Variants in CIT observed in about 807,000 individuals in gnomAD.
CIT encodes citron rho-interacting serine/threonine kinase, also known as citron Rho-interacting kinase.
In CIT, 79 loss-of-function variants were observed where a neutral mutation model predicts 272.7. The ratio of observed to expected loss-of-function variants is 0.29; its 90% CI spans 0.24 to 0.35. The LOEUF (loss-of-function observed/expected upper bound fraction) is 0.35. Among genes scored for constraint, CIT ranks in the 10% least tolerant of loss-of-function variants. The probability of loss-of-function intolerance (pLI) is 1.00; values close to 1 mark genes in which losing one functional copy is unlikely to be tolerated. For missense variants in CIT, 1,909 were observed against 2,618.3 expected (o/e 0.73, Z 5.91); for synonymous variants, 948 against 995.6 (o/e 0.95, Z 0.90).
At chr12:119,717,404 T>TTTTTC (rs199891461) in intron 32 of CIT, among the ~76,000 whole-genome samples, 15 of 126,632 alleles carry the variant, frequency 1.2e-4, no homozygotes, top group Non-Finnish European at 2.1e-4. Context: ...TTCATATTCT[T>TTTTTC]TTTTCTTTTC....
intron 10 of CIT, among the ~76,000 whole-genome samples, chr12:119,792,165 A>T (rs1965364438): frequency 6.6e-6 from 1 of 152,216 alleles, no homozygotes; most frequent in Non-Finnish European, 1.5e-5. Context: ...TTAAGCATCA[A>T]GCCATCCATT....
intron 5 of CIT, among the ~76,000 whole-genome samples, chr12:119,844,895 C>A (rs1440900218): frequency 2.6e-5 from 4 of 151,898 alleles, no homozygotes; most frequent in Admixed American, 6.6e-5. Context: ...CTGAAGCAGG[C>A]GGATCATGAG....
intron 26 of CIT, 103 bp downstream of exon 26, chr12:119,734,060 AC>A: frequency 7.8e-7 from 1 of 1,279,546 alleles, no homozygotes; most frequent in Admixed American, 2.2e-5. Flanking sequence ...GACCCAGGAA[AC>A]TTCTCAGTCT....
chr12:119,688,979 A>G (rs1018509587), intron 47 of CIT, among the ~76,000 whole-genome samples: 1 of 128,184 alleles, frequency 7.8e-6, no homozygotes, highest in Non-Finnish European at 1.6e-5. Flanking sequence ...TGGGCAACAT[A>G]GCGACATTAT....
chr12:119,718,109 G>C lies in CIT; in HGVS notation c.4168+136C>G, dbSNP rs1482278470. ...CCCACCTCGGCCTCCCAAAGTGCTG[G>C]GGTTACAGGTGTGAGCCACCGTGCC... On this transcript the variant is annotated intron_variant, in intron 32 of 47. Coordinates refer to ENST00000392521, the MANE Select transcript of CIT (RefSeq NM_001206999.2). This position sits in a 1 kb window ranked among gnomAD's most constrained non-coding sequence, Gnocchi z 4.8. 8.0e-6 allele frequency: 8 copies of C among 995,106 alleles called. No individual in the cohort carries two copies. Among genetic ancestry groups the C allele is most frequent in the African/African-American group, 3.3e-5 (2 of 60,708 alleles). 61.6% of individuals were successfully genotyped at this position (995,106 alleles called of 1,614,324 possible).
chr12:119,859,151 T>G (rs767130941), intron 3 of CIT, among the ~76,000 whole-genome samples: 1 of 152,144 alleles, frequency 6.6e-6, no homozygotes, highest in Non-Finnish European at 1.5e-5. Context: ...ACCCAAAAAT[T>G]TAATCCTGCA....
chr12:119,825,537 A>AT (rs931493964), intron 7 of CIT, among the ~76,000 whole-genome samples, 169 bp from the exon 8 acceptor site: 3 of 97,344 alleles, frequency 3.1e-5, no homozygotes, highest in African/African-American at 1.0e-4. Context: ...CGCTTTACTA[A>AT]TTTAAAAAAA....
intron 3 of CIT, among the ~76,000 whole-genome samples, chr12:119,861,715 A>G (rs1250248956): frequency 6.6e-6 from 1 of 152,214 alleles, no homozygotes; most frequent in Non-Finnish European, 1.5e-5. Context: ...GAACACAGTA[A>G]TCCAAACTTT....
At position 119,690,515 on chromosome 12, in the gene CIT, T is replaced by C. The variant is rs1955881848; in HGVS notation, c.5883-61A>G. On this transcript the variant is annotated intron_variant, in intron 46 of 47. Coordinates refer to ENST00000392521, the MANE Select transcript of CIT (RefSeq NM_001206999.2). This position sits in a 1 kb window ranked among gnomAD's most constrained non-coding sequence, Gnocchi z 6.0. The stretch of plus-strand genomic sequence containing the variant: ...CCACAACCCCAGAGGGGCATTTTCC[T>C]TCTTACCTGAGCAACCCCCTCCTTG... 6.8e-7 allele frequency: 1 copy of C among 1,461,158 alleles called. No homozygotes were observed. The highest frequency in any genetic ancestry group is 1.4e-5 in the African/African-American group (1 of 69,108). The allele number at this position is 1,461,158 out of a possible 1,614,324, so 90.5% of individuals were successfully genotyped here.
intron 32 of CIT, among the ~76,000 whole-genome samples, chr12:119,715,794 A>G (rs1033665856): frequency 3.3e-5 from 5 of 152,226 alleles, no homozygotes. Flanking sequence ...ATAAGACTCA[A>G]CTTAAAATCT....
chr12:119,807,213 G>A (rs1966662127), intron 9 of CIT, among the ~76,000 whole-genome samples: 1 of 152,178 alleles, frequency 6.6e-6, no homozygotes, highest in Non-Finnish European at 1.5e-5. Context: ...AACACACAGA[G>A]ACAAAGAGAC....
intron 10 of CIT, among the ~76,000 whole-genome samples, chr12:119,792,758 C>T (rs1965414864): frequency 6.6e-6 from 1 of 152,190 alleles, no homozygotes; most frequent in African/African-American, 2.4e-5. Context: ...CAGGCGTGGG[C>T]CACCACATCT....
At chr12:119,819,628 G>A (rs1967513879) in intron 9 of CIT, among the ~76,000 whole-genome samples, 1 of 152,172 alleles carries the variant, frequency 6.6e-6, no homozygotes, top group African/African-American at 2.4e-5. Context: ...CTTTTAACAA[G>A]GGACAATCTC....
rs76293326 is a variant in CIT, at chr12:119,766,507, A to T, written c.2304+580T>A. On this transcript the variant is annotated intron_variant, in intron 19 of 47. Coordinates refer to ENST00000392521, the MANE Select transcript of CIT (RefSeq NM_001206999.2). ...GGAAGCGTAGAAGGGGTTGTAGGGAAGGTAGGGATGGTTAATGGCTGCAAA... is the reference window on the plus strand; with the variant it reads ...GGAAGCGTAGAAGGGGTTGTAGGGATGGTAGGGATGGTTAATGGCTGCAAA... Among the ~76,000 whole-genome samples the T allele has an allele frequency of 8.9e-3, 1,355 of 152,336 alleles. 8 individuals are homozygous for T. The highest frequency in any genetic ancestry group is 0.016 in the South Asian group (75 of 4,824).
Position 119,713,624 on chromosome 12 carries a change from T to C in CIT, c.4331A>G (p.Lys1444Arg), listed in dbSNP as rs754376253. 7 of 1,614,230 alleles carry C rather than the reference T, an allele frequency of 4.3e-6. No homozygotes were observed. The highest frequency in any genetic ancestry group is 2.2e-5 in the South Asian group (2 of 91,088). ...GGTGGCTGGCAAGCACGTGGAGCACTTGGGGTGACACATCACCTGACATTC... is the reference window on the plus strand; with the variant it reads ...GGTGGCTGGCAAGCACGTGGAGCACCTGGGGTGACACATCACCTGACATTC... Reference protein sequence around the residue: ...CLECQVMCHPKCSTCLPATCG... With the variant: ...CLECQVMCHPRCSTCLPATCG... The change falls in exon 34 of 48, where the codon AAG (lysine) becomes AGG (arginine). Residue 1444 changes from lysine (K) to arginine (R), a missense_variant. This residue lies in a region of CIT where 780 missense variants were observed against 1,067.2 expected (regional missense o/e 0.73). Coordinates refer to ENST00000392521, the MANE Select transcript of CIT (RefSeq NM_001206999.2). The surrounding 1 kb of genome is among the most constrained non-coding windows in gnomAD (Gnocchi z 5.2).
chr12:119,841,517 C>T (rs1969409424), intron 5 of CIT, among the ~76,000 whole-genome samples: 1 of 152,042 alleles, frequency 6.6e-6, no homozygotes, highest in African/African-American at 2.4e-5. Context: ...ATTAATTGTG[C>T]CCCCAAATCC....
chr12:119,740,076 T>A (rs540951138), intron 24 of CIT, among the ~76,000 whole-genome samples: 1 of 152,338 alleles, frequency 6.6e-6, no homozygotes, highest in African/African-American at 2.4e-5. Flanking sequence ...CTTAGACTAC[T>A]AAGTTACCCA....
chr12:119,876,305 G>A (rs1294449810), intron 1 of CIT, 124 bp from the exon 2 acceptor site: 1 of 594,664 alleles, frequency 1.7e-6, no homozygotes, highest in South Asian at 2.1e-5. Context: ...TCCAGTTTTA[G>A]GAAGCTCAGT....
intron 17 of CIT, 32 bp downstream of exon 17, chr12:119,772,738 G>C: frequency 1.3e-6 from 2 of 1,585,390 alleles, no homozygotes; most frequent in Non-Finnish European, 1.7e-6. Flanking sequence ...GGCCGAGGCC[G>C]CTGGGGCCTG....
Sources: gnomAD v4.1 joint callset for allele counts (sites outside exome capture counted in the v4.1 genomes callset) on GRCh38, gnomAD v4.1.1 for gene constraint, gnomAD v4.1.1 regional missense constraint, Gnocchi (gnomAD v3.1) non-coding constraint, MANE v1.5 for transcripts, NCBI Gene and HGNC (gene_info 2026-07-23, HGNC 2026-07-21) for gene names.